The following GRM8 variants were observed in gnomAD, a reference collection of about 807,000 sequenced individuals.
The protein encoded by GRM8 is metabotropic glutamate receptor 8.
A neutral mutation model predicts 87.2 loss-of-function variants in GRM8; 47 were observed. The ratio of observed to expected loss-of-function variants is 0.54; its 90% CI spans 0.43 to 0.69. The LOEUF is 0.69. Ranked by LOEUF, GRM8 falls within the 30% of genes least tolerant of loss-of-function variation. The pLI is 0.00. For synonymous variants in GRM8, 396 were observed against 404.5 expected (o/e 0.98, Z 0.25); for missense variants, 1,019 against 1,139.2 (o/e 0.89, Z 1.52).
intron 2 of GRM8, chr7:127,229,288 G>A (rs780702851): frequency 6.6e-6 from 1 of 152,190 alleles, no homozygotes; most frequent in African/African-American, 2.4e-5. Flanking sequence ...GAGCAGCAAG[G>A]AGCTGACAGA....
intron 7 of GRM8, among the ~76,000 whole-genome samples, chr7:126,642,422 A>C (rs1290289710): frequency 6.6e-6 from 1 of 152,014 alleles, no homozygotes; most frequent in African/African-American, 2.4e-5. Context: ...GCAGATCACA[A>C]GGTCAGGAGA....
intron 6 of GRM8, among the ~76,000 whole-genome samples, chr7:126,891,682 C>T (rs907557526): frequency 6.6e-6 from 1 of 152,010 alleles, no homozygotes; most frequent in Non-Finnish European, 1.5e-5. Flanking sequence ...TTCAATGACA[C>T]CAATCTTCTC....
At chr7:126,510,919 C>T (rs17149887) in intron 9 of GRM8, among the ~76,000 whole-genome samples, 2,807 of 152,126 alleles carry the variant, frequency 0.018, 80 homozygotes, top group African/African-American at 0.062. Context: ...TGCAATAGAG[C>T]TACATGGAGA....
At chr7:126,593,966 T>C (rs1181415274) in intron 8 of GRM8, among the ~76,000 whole-genome samples, 2 of 151,884 alleles carry the variant, frequency 1.3e-5, no homozygotes, top group Non-Finnish European at 2.9e-5. Context: ...AAAGAAGACA[T>C]ACAAATAGAC....
At chr7:126,539,529 C>A (rs1012411771) in intron 8 of GRM8, among the ~76,000 whole-genome samples, 8 of 151,952 alleles carry the variant, frequency 5.3e-5, no homozygotes, top group East Asian at 1.9e-4. Flanking sequence ...CACATTTCCT[C>A]ATTTTAAAAC....
intron 2 of GRM8, among the ~76,000 whole-genome samples, chr7:127,123,340 TG>T (rs1482179554): frequency 6.6e-6 from 1 of 152,168 alleles, no homozygotes; most frequent in African/African-American, 2.4e-5. Context: ...GGGCGGTGTT[TG>T]GGTCCTGGGG....
chr7:126,881,497 CAG>C (rs972608942), intron 6 of GRM8, among the ~76,000 whole-genome samples: 11 of 152,196 alleles, frequency 7.2e-5, no homozygotes, highest in African/African-American at 2.7e-4. Flanking sequence ...AAGATAAACA[CAG>C]AGAGCAGAGA....
At chr7:126,735,867 T>C (rs551792721) in intron 7 of GRM8, among the ~76,000 whole-genome samples, 2 of 152,154 alleles carry the variant, frequency 1.3e-5, no homozygotes, top group African/African-American at 4.8e-5. Flanking sequence ...CTCTGAACAG[T>C]AAAAAGCTGG....
intron 3 of GRM8, among the ~76,000 whole-genome samples, chr7:127,009,063 C>A (rs559897919): frequency 1.3e-5 from 2 of 151,950 alleles, no homozygotes; most frequent in Non-Finnish European, 2.9e-5. Flanking sequence ...CAGGGGAAAC[C>A]AATGATCCAG....
chr7:126,886,346 G>T (rs772456547), intron 6 of GRM8, among the ~76,000 whole-genome samples: 36 of 152,026 alleles, frequency 2.4e-4, no homozygotes, highest in Non-Finnish European at 5.3e-4. Flanking sequence ...ACAAAGAAAA[G>T]CTTTCCTACT....
rs567753197 is a variant in GRM8, at chr7:127,209,196, C to T, written c.510+33499G>A. On this transcript the variant is annotated intron_variant, in intron 2 of 10. Transcript: ENST00000339582. ...GACACTACACCTTTAGTTTGCACTC[C>T]GAAATTGCTAGGAAGTAAATCCATC... Among the ~76,000 whole-genome samples, 61 of 152,174 alleles carry T rather than the reference C, an allele frequency of 4.0e-4. 1 individual carries two copies. In the South Asian group the frequency reaches 0.011, roughly 28 times the overall value.
chr7:126,570,513 C>T (rs751281368), intron 8 of GRM8, among the ~76,000 whole-genome samples: 3 of 152,190 alleles, frequency 2.0e-5, no homozygotes, highest in Non-Finnish European at 4.4e-5. Context: ...CAGCAATCCA[C>T]CCACTGACAA....
chr7:126,488,918 T>A (rs955029473), intron 9 of GRM8, among the ~76,000 whole-genome samples: 13 of 151,866 alleles, frequency 8.6e-5, no homozygotes, highest in Non-Finnish European at 1.5e-4. Context: ...AAACATTTAA[T>A]ATTATAAATT....
intron 6 of GRM8, among the ~76,000 whole-genome samples, chr7:126,899,135 A>G (rs372446374): frequency 1.2e-3 from 50 of 42,326 alleles, no homozygotes; most frequent in South Asian, 2.9e-3. Context: ...GTGTGTGTGT[A>G]TGAGTCCATC....
intron 3 of GRM8, among the ~76,000 whole-genome samples, chr7:126,931,622 T>A (rs926151008): frequency 2.0e-5 from 3 of 152,118 alleles, no homozygotes; most frequent in African/African-American, 7.2e-5. Context: ...AGGGCAGAAG[T>A]CTCACCAAGA....
At chr7:126,528,338 G>A (rs754381645) in intron 9 of GRM8, among the ~76,000 whole-genome samples, 1 of 152,088 alleles carries the variant, frequency 6.6e-6, no homozygotes, top group Non-Finnish European at 1.5e-5. Flanking sequence ...ATCCTCCTAC[G>A]CAATTCATTC....
intron 9 of GRM8, among the ~76,000 whole-genome samples, chr7:126,459,678 G>A (rs138870015): frequency 1.0e-3 from 152 of 151,510 alleles, no homozygotes; most frequent in African/African-American, 3.5e-3. Context: ...TAATTACGGT[G>A]GCAATGCAGA....
intron 7 of GRM8, among the ~76,000 whole-genome samples, chr7:126,617,282 A>G (rs138487436): frequency 6.6e-6 from 1 of 152,236 alleles, no homozygotes; most frequent in African/African-American, 2.4e-5. Flanking sequence ...AAGCCACATG[A>G]TTATCTCAAT....
chr7:127,015,004 G>GAAGA (rs1815306459), intron 3 of GRM8, among the ~76,000 whole-genome samples: 1 of 28,932 alleles, frequency 3.5e-5, no homozygotes, highest in African/African-American at 1.7e-4. Flanking sequence ...GAAGAAGAAA[G>GAAGA]AAGAAGAAGA....
Sources: allele counts gnomAD v4.1 joint callset (sites outside exome capture counted in the v4.1 genomes callset), GRCh38; gene constraint gnomAD v4.1.1; transcripts MANE v1.5; gene names NCBI Gene and HGNC (gene_info 2026-07-23, HGNC 2026-07-21).